The following HIBADH variants were observed in gnomAD, a reference collection of about 807,000 sequenced individuals.
HIBADH encodes 3-hydroxyisobutyrate dehydrogenase, mitochondrial.
Under a neutral mutation model 36.1 loss-of-function variants are expected in HIBADH, and 25 were observed. The observed-to-expected ratio is 0.69, with a 90% confidence interval of 0.50 to 0.97. The LOEUF is 0.97. Ranked by LOEUF, HIBADH falls within the 50% of genes least tolerant of loss-of-function variation. The pLI is 0.00. For synonymous variants in HIBADH, 160 were observed against 149.5 expected (o/e 1.07, Z -0.51); for missense variants, 421 against 418.0 (o/e 1.01, Z -0.06).
chr7:27,585,154 GTTT>G (rs961032681), intron 4 of HIBADH, among the ~76,000 whole-genome samples: 1 of 151,692 alleles, frequency 6.6e-6, no homozygotes, highest in African/African-American at 2.4e-5. Flanking sequence ...AGGTGTGCAT[GTTT>G]TTTATATATG....
At chr7:27,660,645 A>G (rs1186302729) in intron 1 of HIBADH, among the ~76,000 whole-genome samples, 1 of 151,680 alleles carries the variant, frequency 6.6e-6, no homozygotes, top group Admixed American at 6.6e-5. Flanking sequence ...AGCCTGGGCG[A>G]CAGACAAAGA....
At position 27,562,336 on chromosome 7, in the gene HIBADH, C is replaced by G. The variant is rs114728477; in HGVS notation, c.485-19236G>C. ...ACAGAAGACCTTTAGACATTCCTTG[C>G]TCACACATTACTTCTGTTCAGTATT... On this transcript the variant is annotated intron_variant, in intron 4 of 7. Coordinates refer to ENST00000265395, the MANE Select transcript of HIBADH (RefSeq NM_152740.4). Among the ~76,000 whole-genome samples the G allele has an allele frequency of 3.7e-3, 562 of 152,292 alleles. 2 individuals carry two copies. Among genetic ancestry groups the G allele is most frequent in the African/African-American group, 0.013 (541 of 41,560 alleles).
At chr7:27,632,027 A>G (rs1292162253) in intron 3 of HIBADH, among the ~76,000 whole-genome samples, 1 of 152,216 alleles carries the variant, frequency 6.6e-6, no homozygotes, top group Non-Finnish European at 1.5e-5. Context: ...AAATTATATT[A>G]TTAACAGTTG....
chr7:27,579,573 A>G (rs975536684), intron 4 of HIBADH, among the ~76,000 whole-genome samples: 2 of 152,242 alleles, frequency 1.3e-5, no homozygotes, highest in Non-Finnish European at 2.9e-5. Flanking sequence ...TCAAATTTCT[A>G]TAAACTGAAT....
intron 4 of HIBADH, among the ~76,000 whole-genome samples, chr7:27,602,712 G>T (rs559041852): frequency 1.2e-4 from 19 of 152,152 alleles, no homozygotes; most frequent in African/African-American, 4.3e-4. Flanking sequence ...TTTTAAACCT[G>T]AAGATTACTG....
chr7:27,584,685 T>C (rs533345955), intron 4 of HIBADH, among the ~76,000 whole-genome samples: 1 of 152,226 alleles, frequency 6.6e-6, no homozygotes, highest in East Asian at 1.9e-4. Flanking sequence ...GTTTGGGGCA[T>C]ATTTTCCATT....
intron 4 of HIBADH, among the ~76,000 whole-genome samples, chr7:27,626,484 A>G (rs1468934215): frequency 6.6e-6 from 1 of 152,200 alleles, no homozygotes; most frequent in Non-Finnish European, 1.5e-5. Flanking sequence ...GATAATGTAC[A>G]CAGGAGCCAT....
intron 2 of HIBADH, among the ~76,000 whole-genome samples, chr7:27,646,894 C>T (rs1381448709): frequency 5.3e-5 from 8 of 151,986 alleles, no homozygotes; most frequent in Non-Finnish European, 1.0e-4. Context: ...CGGGGTTTCG[C>T]CACATTGGCC....
At chr7:27,544,670 G>T (rs771251904) in intron 4 of HIBADH, among the ~76,000 whole-genome samples, 1 of 152,086 alleles carries the variant, frequency 6.6e-6, no homozygotes, top group Admixed American at 6.6e-5. Context: ...ATCTCACCTA[G>T]AGAAATTAAG....
intron 2 of HIBADH, among the ~76,000 whole-genome samples, chr7:27,645,553 T>G (rs1312492402): frequency 6.6e-6 from 1 of 151,716 alleles, no homozygotes; most frequent in African/African-American, 2.4e-5. Flanking sequence ...TAATTTTTTT[T>G]GCATTTTTAG....
chr7:27,652,261 C>T (rs138637674), intron 1 of HIBADH, among the ~76,000 whole-genome samples: 97 of 152,224 alleles, frequency 6.4e-4, no homozygotes, highest in African/African-American at 2.2e-3. Flanking sequence ...ATACTGCCCT[C>T]TATTCTTCCT....
intron 2 of HIBADH, among the ~76,000 whole-genome samples, chr7:27,642,893 C>G (rs963253183): frequency 2.0e-4 from 31 of 152,048 alleles, no homozygotes; most frequent in African/African-American, 7.5e-4. Context: ...CCTCGTGATC[C>G]GCCCACCTCG....
At chr7:27,563,682 T>C (rs934639605) in intron 4 of HIBADH, among the ~76,000 whole-genome samples, 2 of 152,202 alleles carry the variant, frequency 1.3e-5, no homozygotes, top group Non-Finnish European at 2.9e-5. Flanking sequence ...ATGTGCTTAT[T>C]TGCCAACCAT....
intron 3 of HIBADH, among the ~76,000 whole-genome samples, chr7:27,630,815 T>C (rs1025960629): frequency 2.6e-5 from 4 of 152,206 alleles, no homozygotes; most frequent in Admixed American, 6.5e-5. Context: ...ACAATTCAAA[T>C]GCAATTGTTG....
chr7:27,553,957 T>C (rs1784356398), intron 4 of HIBADH, among the ~76,000 whole-genome samples: 1 of 152,184 alleles, frequency 6.6e-6, no homozygotes, highest in African/African-American at 2.4e-5. Context: ...CAAGCGATTC[T>C]CCTGCCTCAG....
chr7:27,526,683 C>T (rs1783905472), intron 7 of HIBADH, among the ~76,000 whole-genome samples: 1 of 151,930 alleles, frequency 6.6e-6, no homozygotes, highest in African/African-American at 2.4e-5. Context: ...ATCTTTAAGA[C>T]ATAAATTTTT....
intron 1 of HIBADH, among the ~76,000 whole-genome samples, chr7:27,660,305 A>G (rs2128298384): frequency 6.6e-6 from 1 of 152,360 alleles, no homozygotes; most frequent in East Asian, 1.9e-4. Context: ...TTAAGAATCT[A>G]ATGTCAGAAA....
intron 1 of HIBADH, among the ~76,000 whole-genome samples, chr7:27,655,083 T>C (rs570379689): frequency 6.6e-6 from 1 of 152,318 alleles, no homozygotes; most frequent in Admixed American, 6.5e-5. Flanking sequence ...TATCACTATA[T>C]TGCTAATAAA....
At chr7:27,528,855 AAAGAG>A (rs1474613889) in intron 7 of HIBADH, among the ~76,000 whole-genome samples, 2 of 152,222 alleles carry the variant, frequency 1.3e-5, no homozygotes, top group Non-Finnish European at 2.9e-5. Context: ...TTTCGCAGCT[AAAGAG>A]AAGTCAATGT....
Sources: gnomAD v4.1 joint callset for allele counts (sites outside exome capture counted in the v4.1 genomes callset) on GRCh38, gnomAD v4.1.1 for gene constraint, MANE v1.5 for transcripts, NCBI Gene and HGNC (gene_info 2026-07-23, HGNC 2026-07-21) for gene names.